The following EHBP1 variants were observed in gnomAD, a reference collection of about 807,000 sequenced individuals.
The protein encoded by EHBP1 is EH domain binding protein 1.
Under a neutral mutation model 144.0 loss-of-function variants are expected in EHBP1, and 55 were observed. The observed-to-expected ratio is 0.38, with a 90% CI of 0.31 to 0.48. The LOEUF (loss-of-function observed/expected upper bound fraction) is 0.48. Ranked by LOEUF, EHBP1 falls within the 20% of genes least tolerant of loss-of-function variation. EHBP1 has a pLI of 0.98. For synonymous variants in EHBP1, 469 were observed against 472.7 expected, an observed-to-expected ratio of 0.99 and a Z score of 0.10; for missense variants, 1,200 against 1,364.2, an observed-to-expected ratio of 0.88 and a Z score of 1.90.
chr2:62,716,814 T>G (rs1380263491), intron 2 of EHBP1, among the ~76,000 whole-genome samples: 1 of 152,234 alleles, frequency 6.6e-6, no homozygotes, highest in African/African-American at 2.4e-5. Flanking sequence ...GCCTGAATAG[T>G]CAGCAAGGAG....
intron 14 of EHBP1, among the ~76,000 whole-genome samples, chr2:62,967,880 T>C (rs1332909500): frequency 6.6e-6 from 1 of 152,194 alleles, no homozygotes; most frequent in Non-Finnish European, 1.5e-5. Flanking sequence ...TACTTCTTTT[T>C]TTTTTCATCT....
In EHBP1 at chr2:62,796,275, C is replaced by T. The variant is rs140865845; in HGVS notation, c.312+24883C>T. 5.2e-4 allele frequency among the ~76,000 whole-genome samples: 79 copies of T among 152,078 alleles called. 1 individual carries two copies. Among genetic ancestry groups the T allele is most frequent in the African/African-American group, 1.7e-3 (70 of 41,480 alleles). On this transcript the variant is annotated intron_variant, in intron 5 of 22. Coordinates refer to ENST00000431489, the MANE Select transcript of EHBP1 (RefSeq NM_001142616.3). ...TATGCATAAAACTGTGTGACACTGC[C>T]TAAGTCTTCCTTTTCAGCATTTTAT... is the stretch of plus-strand genomic sequence containing the variant.
At chr2:62,760,813 A>G (rs1411448236) in intron 3 of EHBP1, among the ~76,000 whole-genome samples, 1 of 152,154 alleles carries the variant, frequency 6.6e-6, no homozygotes, top group African/African-American at 2.4e-5. Context: ...GTTCATGCAA[A>G]CCATTTACTC....
At chr2:62,938,258 A>G (rs932614685) in intron 10 of EHBP1, among the ~76,000 whole-genome samples, 5 of 152,250 alleles carry the variant, frequency 3.3e-5, no homozygotes, top group Admixed American at 6.5e-5. Flanking sequence ...TGAACTATAA[A>G]TATTTGGGAA....
intron 10 of EHBP1, among the ~76,000 whole-genome samples, chr2:62,881,188 A>G (rs1336393767): frequency 1.3e-5 from 2 of 152,122 alleles, no homozygotes; most frequent in East Asian, 1.9e-4. Context: ...GGAGCTAAAC[A>G]TTAAGTACAC....
At chr2:62,952,577 T>G (rs2057448609) in intron 13 of EHBP1, among the ~76,000 whole-genome samples, 1 of 152,200 alleles carries the variant, frequency 6.6e-6, no homozygotes, top group Non-Finnish European at 1.5e-5. Flanking sequence ...ATACATGTGA[T>G]GACAGTTATA....
chr2:62,756,583 A>C (rs541354192), intron 3 of EHBP1, among the ~76,000 whole-genome samples: 2 of 152,288 alleles, frequency 1.3e-5, no homozygotes, highest in East Asian at 3.9e-4. Context: ...CAGCCTGACC[A>C]ACATGGTGAA....
rs188289435 is a variant in EHBP1 at position 62,721,528 on chromosome 2, T to C, written c.104+14233T>C. ...AGAAGTATCAAAGAATTTGAACATATGTTACAACTACCACAGAACTAATAA... is the reference window on the plus strand; with the variant it reads ...AGAAGTATCAAAGAATTTGAACATACGTTACAACTACCACAGAACTAATAA... On this transcript the variant is annotated intron_variant, in intron 2 of 22. Transcript: ENST00000431489. 3.4e-3 allele frequency among the ~76,000 whole-genome samples: 520 copies of C among 152,342 alleles called. 4 individuals carry two copies. The highest frequency in any genetic ancestry group is 0.023 in the South Asian group (113 of 4,830).
intron 3 of EHBP1, among the ~76,000 whole-genome samples, chr2:62,762,214 T>TA (rs921552260): frequency 2.4e-4 from 36 of 152,356 alleles, no homozygotes; most frequent in African/African-American, 8.2e-4. Flanking sequence ...GAAACACTCT[T>TA]ACCACTAGAC....
intron 14 of EHBP1, among the ~76,000 whole-genome samples, chr2:62,975,733 G>GA (rs1052342701): frequency 6.6e-5 from 10 of 151,400 alleles, no homozygotes; most frequent in African/African-American, 1.7e-4. Context: ...AAATTAAAAA[G>GA]AAAAAAAAAT....
At chr2:62,977,045 G>C (rs2058747569) in intron 14 of EHBP1, among the ~76,000 whole-genome samples, 1 of 151,546 alleles carries the variant, frequency 6.6e-6, no homozygotes, top group African/African-American at 2.4e-5. Flanking sequence ...TCTCACTACA[G>C]TTTCCTTGGA....
chr2:62,940,587 T>G (rs1006211088), intron 10 of EHBP1, among the ~76,000 whole-genome samples: 5 of 152,202 alleles, frequency 3.3e-5, no homozygotes, highest in Admixed American at 6.5e-5. Flanking sequence ...TCAAAATGAT[T>G]TAATTGCTAA....
chr2:62,970,583 T>G (rs1166215329), intron 14 of EHBP1, among the ~76,000 whole-genome samples: 1 of 152,216 alleles, frequency 6.6e-6, no homozygotes, highest in Admixed American at 6.5e-5. Context: ...GTTTCTCATG[T>G]TCTAATTCAC....
At position 62,942,874 on chromosome 2, in the gene EHBP1, C is replaced by T. The variant is rs774252612; in HGVS notation, c.1342C>T (p.His448Tyr). ...TGGTTTATCTTTTTGTGCAATATTACACCACTTTAGACCAGATTTAATGTA... is the reference window on the plus strand; with the variant it reads ...TGGTTTATCTTTTTGTGCAATATTATACCACTTTAGACCAGATTTAATGTA... ...RNGLSFCAILHHFRPDLIDYK... is the reference protein window; with the variant it reads ...RNGLSFCAILYHFRPDLIDYK... The change falls in exon 11 of 23, where the codon CAC becomes TAC. Residue 448 changes from histidine (H) to tyrosine (Y), a missense_variant. This residue lies in a region of EHBP1 where 94 missense variants were observed against 143.0 expected (regional missense o/e 0.66). Coordinates refer to ENST00000431489, the MANE Select transcript of EHBP1 (RefSeq NM_001142616.3). The T allele has an allele frequency of 6.2e-7, 1 of 1,612,108 alleles. No individual in the cohort carries two copies. The highest frequency in any genetic ancestry group is 8.5e-7 in the Non-Finnish European group (1 of 1,178,666).
At chr2:62,888,362 T>C (rs1409882833) in intron 10 of EHBP1, among the ~76,000 whole-genome samples, 4 of 152,230 alleles carry the variant, frequency 2.6e-5, no homozygotes, top group Non-Finnish European at 5.9e-5. Flanking sequence ...CTGTGTTCAA[T>C]GGGAAAGATA....
chr2:62,868,215 A>G (rs1050441864), intron 9 of EHBP1, among the ~76,000 whole-genome samples: 20 of 152,166 alleles, frequency 1.3e-4, no homozygotes, highest in African/African-American at 4.8e-4. Context: ...TCTCTACTAA[A>G]AAAAATACAA....
chr2:62,745,271 CAG>C (rs531666886), intron 2 of EHBP1, among the ~76,000 whole-genome samples: 26 of 151,654 alleles, frequency 1.7e-4, no homozygotes, highest in African/African-American at 6.3e-4. Context: ...GTGTGAGAGA[CAG>C]AAATAATAAA....
chr2:62,932,066 A>G (rs1423101279), intron 10 of EHBP1, among the ~76,000 whole-genome samples: 1 of 152,036 alleles, frequency 6.6e-6, no homozygotes, highest in African/African-American at 2.4e-5. Flanking sequence ...GGTCCCAGCT[A>G]CTTGGGAGGG....
At chr2:62,794,915 T>G (rs7591708) in intron 5 of EHBP1, among the ~76,000 whole-genome samples, 1 of 151,740 alleles carries the variant, frequency 6.6e-6, no homozygotes, top group African/African-American at 2.4e-5. Context: ...TTTAAATAAG[T>G]AACACTTCAT....
Sources: allele counts gnomAD v4.1 joint callset (sites outside exome capture counted in the v4.1 genomes callset), GRCh38; gene constraint gnomAD v4.1.1; regional missense constraint gnomAD v4.1.1; transcripts MANE v1.5; gene names NCBI Gene and HGNC (gene_info 2026-07-23, HGNC 2026-07-21).